The following DENND2B variants were observed in gnomAD, a reference collection of about 807,000 sequenced individuals.
DENND2B encodes DENN domain containing 2B.
In DENND2B, 32 loss-of-function variants were observed where a neutral mutation model predicts 116.0. That is an observed-to-expected ratio of 0.28 (90% CI 0.21 to 0.37). DENND2B has a LOEUF of 0.37. Among genes scored for constraint, DENND2B ranks in the 10% least tolerant of loss-of-function variants. DENND2B has a pLI of 1.00. For missense variants in DENND2B, 1,276 were observed against 1,477.7 expected (o/e 0.86, Z 2.24); for synonymous variants, 588 against 583.9 (o/e 1.01, Z -0.10).
rs1019051959 is a variant in DENND2B, at chr11:8,730,276, T to A, written c.1014A>T (p.Ala338=). Reference sequence around the variant, plus strand: ...CCCCCGCAACACCAGCCACTCCGACTGCCCGGCTGCCAGCGCTCACACTCG... The same window carrying A: ...CCCCCGCAACACCAGCCACTCCGACAGCCCGGCTGCCAGCGCTCACACTCG... The part of the protein sequence containing the change: ...GGASVSAGSR[A]VGVAGVAGEA... The change falls in exon 3 of 20, where the codon GCA becomes GCT. Residue 338 remains alanine, a synonymous_variant. Transcript: ENST00000313726. This position sits in a 1 kb window ranked among gnomAD's most constrained non-coding sequence, Gnocchi z 4.1. The A allele has an allele frequency of 6.2e-6, 10 of 1,609,754 alleles. No homozygotes were observed. The highest frequency in any genetic ancestry group is 8.5e-6 in the Non-Finnish European group (10 of 1,179,204).
At chr11:8,780,092 A>T (rs2058228229) in intron 1 of DENND2B, among the ~76,000 whole-genome samples, 2 of 152,296 alleles carry the variant, frequency 1.3e-5, no homozygotes, top group South Asian at 4.1e-4. Flanking sequence ...TGGTTCCTGG[A>T]AGCCAGGACA....
intron 2 of DENND2B, among the ~76,000 whole-genome samples, chr11:8,867,046 T>A (rs2063605283): frequency 1.3e-5 from 2 of 152,202 alleles, no homozygotes; most frequent in Non-Finnish European, 2.9e-5. Context: ...TTGACAAACA[T>A]CACTTTTCTG....
At chr11:8,697,460 G>A (rs1300683251) in intron 17 of DENND2B, 65 bp downstream of exon 17, 17 of 1,312,192 alleles carry the variant, frequency 1.3e-5, no homozygotes, top group Non-Finnish European at 1.9e-5. Flanking sequence ...CTGGCCCTAT[G>A]GGGCCCTGAC....
chr11:8,818,423 G>A (rs2061652814), intron 4 of DENND2B, among the ~76,000 whole-genome samples: 1 of 151,976 alleles, frequency 6.6e-6, no homozygotes, highest in African/African-American at 2.4e-5. Flanking sequence ...GAGGAATGTG[G>A]ACTCAAGCTG....
intron 6 of DENND2B, among the ~76,000 whole-genome samples, chr11:8,715,025 CAACT>C (rs1405441062): frequency 2.0e-5 from 3 of 152,148 alleles, no homozygotes; most frequent in Non-Finnish European, 4.4e-5. Flanking sequence ...GTCATTGAAC[CAACT>C]GAGACAAAGA....
intron 2 of DENND2B, among the ~76,000 whole-genome samples, chr11:8,864,344 T>G (rs991069893): frequency 2.0e-5 from 3 of 152,196 alleles, no homozygotes; most frequent in African/African-American, 4.8e-5. Flanking sequence ...CTCGGCTCCC[T>G]ACAGCCTTGA....
At chr11:8,897,807 G>A (rs77083998) in intron 1 of DENND2B, among the ~76,000 whole-genome samples, 3,529 of 152,150 alleles carry the variant, frequency 0.023, 49 homozygotes, top group Middle Eastern at 0.034. Flanking sequence ...TTTTTTAGAG[G>A]TAGGGTCTCA....
At chr11:8,805,263 C>A (rs577144166) in intron 1 of DENND2B, among the ~76,000 whole-genome samples, 3 of 152,304 alleles carry the variant, frequency 2.0e-5, no homozygotes, top group Admixed American at 6.5e-5. Flanking sequence ...TAAGGCAGCA[C>A]CACGCACTCA....
intron 11 of DENND2B, among the ~76,000 whole-genome samples, chr11:8,709,829 G>A (rs1592510961): frequency 1.3e-5 from 2 of 152,162 alleles, no homozygotes; most frequent in South Asian, 4.1e-4. Context: ...GAATGTGACA[G>A]GTTCTAAACA....
chr11:8,888,071 T>G (rs1003687381), intron 1 of DENND2B, among the ~76,000 whole-genome samples: 4 of 152,184 alleles, frequency 2.6e-5, no homozygotes, highest in Admixed American at 6.6e-5. Flanking sequence ...TAGACAACAT[T>G]TGCACAGCAG....
chr11:8,708,164 G>C, intron 11 of DENND2B: 1 of 1,303,810 alleles, frequency 7.7e-7, no homozygotes, highest in Non-Finnish European at 9.8e-7. Context: ...GTTTGGCAGA[G>C]GCTACAGGGT....
chr11:8,867,206 G>A lies in DENND2B; in HGVS notation c.-250+3748C>T, dbSNP rs74054241. ...AGAAATCCAGATTGTATTCAAAGCG[G>A]CAGACTAATTCTAGTAAAATGTCTC... On this transcript the variant is annotated intron_variant, in intron 2 of 6. Transcript: ENST00000524757. 7.5e-3 allele frequency among the ~76,000 whole-genome samples: 1,145 copies of A among 152,248 alleles called. 12 individuals carry two copies. Among genetic ancestry groups the A allele is most frequent in the African/African-American group, 0.026 (1,085 of 41,524 alleles).
In DENND2B at chr11:8,702,786, C is replaced by G; in HGVS notation, c.2572-66G>C. On this transcript the variant is annotated intron_variant, in intron 13 of 19. Coordinates refer to ENST00000313726, the MANE Select transcript of DENND2B (RefSeq NM_213618.2). The surrounding 1 kb of genome is among the most constrained non-coding windows in gnomAD (Gnocchi z 4.6). ...GTGGGTGCTGCCCTCTGGCCCTCCA[C>G]GAAGCAACTGGAGCTGCTTTCCCCT... 6.6e-7 allele frequency: 1 copy of G among 1,522,620 alleles called. No individual in the cohort carries two copies. The highest frequency in any genetic ancestry group is 1.9e-5 in the Admixed American group (1 of 51,432). 94.3% of individuals were successfully genotyped at this position (1,522,620 alleles called of 1,614,324 possible).
chr11:8,840,255 T>A (rs1271934780), intron 3 of DENND2B, among the ~76,000 whole-genome samples: 1 of 152,124 alleles, frequency 6.6e-6, no homozygotes, highest in Non-Finnish European at 1.5e-5. Flanking sequence ...GAGAGGGGAC[T>A]TGGGGAGTTC....
At chr11:8,901,229 C>CTTTTTTTTTTTTTTTTTTT (rs1555223231) in intron 1 of DENND2B, among the ~76,000 whole-genome samples, 2 of 83,920 alleles carry the variant, frequency 2.4e-5, no homozygotes, top group Admixed American at 1.6e-4. Context: ...CTTTTCTTTT[C>CTTTTTTTTTTTTTTTTTTT]TTTTTTTTTT....
chr11:8,903,272 G>A (rs1416341050), intron 1 of DENND2B, among the ~76,000 whole-genome samples: 2 of 151,996 alleles, frequency 1.3e-5, no homozygotes, highest in Non-Finnish European at 2.9e-5. Flanking sequence ...AATTAGTCGG[G>A]TGTGGTGGCA....
At chr11:8,727,660 GT>G (rs2047305125) in intron 3 of DENND2B, among the ~76,000 whole-genome samples, 1 of 152,168 alleles carries the variant, frequency 6.6e-6, no homozygotes, top group South Asian at 2.1e-4. Context: ...TTCTCAACTA[GT>G]TAAACATCCA....
intron 2 of DENND2B, among the ~76,000 whole-genome samples, chr11:8,867,538 C>T (rs1283277948): frequency 1.4e-5 from 2 of 141,966 alleles, no homozygotes; most frequent in Non-Finnish European, 3.1e-5. Flanking sequence ...TCTAAATTCA[C>T]TTTTACCTTA....
intron 1 of DENND2B, among the ~76,000 whole-genome samples, chr11:8,779,494 TTTTCTTTCTTTC>T (rs577755839): frequency 1.4e-5 from 2 of 142,730 alleles, no homozygotes; most frequent in African/African-American, 2.6e-5. Context: ...TTTTTCTTTC[TTTTCTTTCTTTC>T]TTTCTTTCTT....
Sources: gnomAD v4.1 joint callset for allele counts (sites outside exome capture counted in the v4.1 genomes callset) on GRCh38, gnomAD v4.1.1 for gene constraint, Gnocchi (gnomAD v3.1) non-coding constraint, MANE v1.5 for transcripts, NCBI Gene and HGNC (gene_info 2026-07-23, HGNC 2026-07-21) for gene names.